The following MCUB variants were observed in gnomAD, a reference collection of about 807,000 sequenced individuals.
MCUB encodes the protein calcium uniporter regulatory subunit MCUb, mitochondrial.
In MCUB, 46 loss-of-function variants were observed where a neutral mutation model predicts 41.4. That is an observed-to-expected ratio of 1.11 (90% CI 0.88 to 1.42). The LOEUF (loss-of-function observed/expected upper bound fraction) is 1.42. Ranked by LOEUF, MCUB falls within the 40% of genes most tolerant of loss-of-function variation. MCUB has a pLI of 0.00. For missense variants in MCUB, 403 were observed against 404.9 expected, an observed-to-expected ratio of 1.00 and a Z score of 0.04; for synonymous variants, 148 against 148.2, an observed-to-expected ratio of 1.00 and a Z score of 0.01.
intron 3 of MCUB, among the ~76,000 whole-genome samples, chr4:109,661,157 A>C (rs1422268351): frequency 1.3e-5 from 2 of 152,226 alleles, no homozygotes. Context: ...GAAGTATGTC[A>C]TCACTTAGAC....
At chr4:109,647,359 C>G (rs982539684) in intron 1 of MCUB, among the ~76,000 whole-genome samples, 1 of 152,184 alleles carries the variant, frequency 6.6e-6, no homozygotes, top group Non-Finnish European at 1.5e-5. Flanking sequence ...TCCCATAACC[C>G]CTGGCAGCCA....
chr4:109,620,248 A>G (rs1728225339), intron 1 of MCUB, among the ~76,000 whole-genome samples: 1 of 152,092 alleles, frequency 6.6e-6, no homozygotes, highest in Non-Finnish European at 1.5e-5. Context: ...ACAGGTTTTC[A>G]GAGGAGCAAA....
At chr4:109,606,974 T>G (rs1473725626) in intron 1 of MCUB, among the ~76,000 whole-genome samples, 1 of 152,156 alleles carries the variant, frequency 6.6e-6, no homozygotes, top group Non-Finnish European at 1.5e-5. Flanking sequence ...CTCCAACTCC[T>G]GACCTTGAGT....
At chr4:109,652,923 C>A (rs1052884138) in intron 1 of MCUB, among the ~76,000 whole-genome samples, 2 of 152,162 alleles carry the variant, frequency 1.3e-5, no homozygotes, top group African/African-American at 4.8e-5. Context: ...CAGCAGTGAA[C>A]CAGACCAAGT....
chr4:109,651,793 C>A (rs1728966896), intron 1 of MCUB, among the ~76,000 whole-genome samples: 1 of 152,030 alleles, frequency 6.6e-6, no homozygotes, highest in South Asian at 2.1e-4. Flanking sequence ...TTTTTTTCTT[C>A]TGCATGTGAC....
chr4:109,654,936 G>A (rs924679869), intron 1 of MCUB, among the ~76,000 whole-genome samples: 2 of 152,114 alleles, frequency 1.3e-5, no homozygotes, highest in African/African-American at 2.4e-5. Flanking sequence ...CCTACCTGGA[G>A]TTAACATCAG....
rs931246777 is a variant in MCUB at position 109,625,141 on chromosome 4, A to C, written c.100-33870A>C. ...GGTGAAAGAGCAAGACTCTGTCTCA[A>C]AAAACAAAAAATTTAAAATTTAAAA... On this transcript the variant is annotated intron_variant, in intron 1 of 7. Coordinates refer to ENST00000394650, the MANE Select transcript of MCUB (RefSeq NM_017918.5). 2.6e-5 allele frequency among the ~76,000 whole-genome samples: 4 copies of C among 152,294 alleles called. 1 individual carries two copies. The South Asian group carries it at 8.3e-4, about 32-fold the overall frequency.
intron 1 of MCUB, among the ~76,000 whole-genome samples, chr4:109,650,060 A>G (rs994601163): frequency 6.6e-6 from 1 of 152,140 alleles, no homozygotes; most frequent in Non-Finnish European, 1.5e-5. Context: ...ATATCCCCCT[A>G]TCAAGGGGGG....
At chr4:109,597,743 CA>C (rs1727608312) in intron 1 of MCUB, among the ~76,000 whole-genome samples, 1 of 143,684 alleles carries the variant, frequency 7.0e-6, no homozygotes, top group Non-Finnish European at 1.5e-5. Context: ...CTGACCCCCC[CA>C]CCTCCCTCCC....
At chr4:109,619,402 G>A (rs939542956) in intron 1 of MCUB, among the ~76,000 whole-genome samples, 1 of 152,020 alleles carries the variant, frequency 6.6e-6, no homozygotes, top group African/African-American at 2.4e-5. Flanking sequence ...TCTATGATGT[G>A]TTGCTCTTCT....
At chr4:109,580,361 G>C (rs951381513) in intron 1 of MCUB, among the ~76,000 whole-genome samples, 1 of 152,188 alleles carries the variant, frequency 6.6e-6, no homozygotes, top group Non-Finnish European at 1.5e-5. Flanking sequence ...TGTCTGTATA[G>C]TAGCATGATT....
At chr4:109,561,346 T>C (rs1726630541) in intron 1 of MCUB, among the ~76,000 whole-genome samples, 1 of 152,238 alleles carries the variant, frequency 6.6e-6, no homozygotes. Flanking sequence ...CTTGTCACTT[T>C]CACTTCCTGT....
intron 1 of MCUB, among the ~76,000 whole-genome samples, chr4:109,585,475 A>G (rs1356042416): frequency 2.6e-5 from 4 of 152,146 alleles, no homozygotes; most frequent in African/African-American, 9.7e-5. Flanking sequence ...TTGTATGTGA[A>G]TTTGATCCTG....
chr4:109,565,599 G>A (rs1726752279), intron 1 of MCUB, among the ~76,000 whole-genome samples: 1 of 152,066 alleles, frequency 6.6e-6, no homozygotes, highest in Non-Finnish European at 1.5e-5. Context: ...AAGTAAATGC[G>A]ATAAAAAAAG....
At position 109,587,363 on chromosome 4, in the gene MCUB, T is replaced by C. The variant is rs192048426; in HGVS notation, c.99+26927T>C. 2.4e-3 allele frequency among the ~76,000 whole-genome samples: 370 copies of C among 152,360 alleles called. 2 individuals carry two copies. The highest frequency in any genetic ancestry group is 6.6e-3 in the African/African-American group (275 of 41,590). On this transcript the variant is annotated intron_variant, in intron 1 of 7. Coordinates refer to ENST00000394650, the MANE Select transcript of MCUB (RefSeq NM_017918.5). ...GTCCCGTTTTTCTGGGTACCGTCTGTCACGGCTTCCGTTGACTAGGAAAGG... is the reference window on the plus strand; with the variant it reads ...GTCCCGTTTTTCTGGGTACCGTCTGCCACGGCTTCCGTTGACTAGGAAAGG...
intron 1 of MCUB, among the ~76,000 whole-genome samples, chr4:109,608,672 T>A (rs910493963): frequency 2.6e-5 from 4 of 151,832 alleles, no homozygotes; most frequent in African/African-American, 9.7e-5. Flanking sequence ...TTATTATTAT[T>A]GTTTTTTTTT....
chr4:109,687,550 CTG>C lies in MCUB; in HGVS notation c.971_972del (p.Cys324PhefsTer10), dbSNP rs1729878280. The C allele has an allele frequency of 6.2e-7, 1 of 1,612,902 alleles. No homozygotes were observed. The highest frequency in any genetic ancestry group is 8.5e-7 in the Non-Finnish European group (1 of 1,179,148). ...CCCTGAAACAGGCGCGTCATTCTCTCTGTTTGCAAATGCAAGTAGAAGAACTC... is the reference window on the plus strand; with the variant it reads ...CCCTGAAACAGGCGCGTCATTCTCTCTTTGCAAATGCAAGTAGAAGAACTC... The part of the protein sequence containing the change: ...ESLKQARHSL[C>X]LQMQVEELNE... On this transcript the variant is annotated frameshift_variant, in exon 8 of 8. Coordinates refer to ENST00000394650, the MANE Select transcript of MCUB (RefSeq NM_017918.5). LOFTEE classifies it low-confidence loss of function (END_TRUNC).
chr4:109,587,472 TCCAA>T (rs1255252855), intron 1 of MCUB, among the ~76,000 whole-genome samples: 1 of 152,174 alleles, frequency 6.6e-6, no homozygotes, highest in East Asian at 1.9e-4. Context: ...GTACCCACTG[TCCAA>T]CCAGTCCCAA....
chr4:109,617,145 AAT>A (rs1363021422), intron 1 of MCUB, among the ~76,000 whole-genome samples: 2 of 152,310 alleles, frequency 1.3e-5, no homozygotes, highest in South Asian at 2.1e-4. Context: ...TATGCAAATT[AAT>A]AGACCCAATT....
Sources: allele counts gnomAD v4.1 joint callset (sites outside exome capture counted in the v4.1 genomes callset), GRCh38; gene constraint gnomAD v4.1.1; transcripts MANE v1.5; gene names NCBI Gene and HGNC (gene_info 2026-07-23, HGNC 2026-07-21).